Variants in MTUS2 observed in about 807,000 individuals in gnomAD.
The protein encoded by MTUS2 is microtubule-associated tumor suppressor candidate 2.
A neutral mutation model predicts 114.1 loss-of-function variants in MTUS2; 40 were observed. The ratio of observed to expected loss-of-function variants is 0.35; its 90% CI spans 0.27 to 0.46. The LOEUF (loss-of-function observed/expected upper bound fraction) is 0.46. Ranked by LOEUF, MTUS2 falls within the 20% of genes least tolerant of loss-of-function variation. MTUS2 has a pLI of 1.00. For missense variants in MTUS2, 1,679 were observed against 1,705.4 expected (o/e 0.98, Z 0.27); for synonymous variants, 688 against 672.0 (o/e 1.02, Z -0.37).
chr13:29,056,292 C>G (rs1888130081), intron 4 of MTUS2, among the ~76,000 whole-genome samples: 1 of 152,038 alleles, frequency 6.6e-6, no homozygotes, highest in Admixed American at 6.6e-5. Context: ...TTTCCATCTT[C>G]TGCATATGAT....
chr13:29,095,257 G>A (rs1003373980), intron 4 of MTUS2, among the ~76,000 whole-genome samples: 2 of 151,976 alleles, frequency 1.3e-5, no homozygotes, highest in African/African-American at 2.4e-5. Flanking sequence ...TTGAAGTCTC[G>A]AACTATTATT....
chr13:29,222,789 G>A (rs1462891359), intron 5 of MTUS2, among the ~76,000 whole-genome samples: 1 of 152,234 alleles, frequency 6.6e-6, no homozygotes, highest in Non-Finnish European at 1.5e-5. Flanking sequence ...AGAAGTGCCT[G>A]CTGTCACTGC....
intron 5 of MTUS2, among the ~76,000 whole-genome samples, chr13:29,243,822 G>A (rs1896814365): frequency 6.6e-6 from 1 of 152,188 alleles, no homozygotes; most frequent in African/African-American, 2.4e-5. Context: ...AAGGGCTGAG[G>A]CATCGATACA....
chr13:28,916,134 C>T (rs1343460730), intron 2 of MTUS2, among the ~76,000 whole-genome samples: 3 of 151,848 alleles, frequency 2.0e-5, no homozygotes, highest in Non-Finnish European at 2.9e-5. Flanking sequence ...TCTGGGTTCT[C>T]TATTCTATTC....
At chr13:29,372,644 C>G (rs986673974) in intron 8 of MTUS2, among the ~76,000 whole-genome samples, 7 of 152,196 alleles carry the variant, frequency 4.6e-5, no homozygotes, top group Admixed American at 3.9e-4. Context: ...ATGTTTCCCT[C>G]AAAAGTGAAG....
chr13:29,156,595 ACT>A (rs1892870361), intron 5 of MTUS2, among the ~76,000 whole-genome samples: 2 of 151,788 alleles, frequency 1.3e-5, no homozygotes, highest in African/African-American at 4.8e-5. Context: ...AAGTCACTAG[ACT>A]CTCTGAGCTT....
At chr13:29,140,705 A>G (rs1892182198) in intron 5 of MTUS2, among the ~76,000 whole-genome samples, 1 of 152,146 alleles carries the variant, frequency 6.6e-6, no homozygotes, top group African/African-American at 2.4e-5. Context: ...AACACCAATC[A>G]CTAGAAAATC....
intron 8 of MTUS2, among the ~76,000 whole-genome samples, chr13:29,374,667 G>A (rs1871442996): frequency 6.6e-6 from 1 of 152,200 alleles, no homozygotes; most frequent in Admixed American, 6.5e-5. Flanking sequence ...GGAGGCCAAG[G>A]TGGGTGGATC....
chr13:29,282,428 A>G (rs1385629222), intron 6 of MTUS2, among the ~76,000 whole-genome samples: 2 of 152,260 alleles, frequency 1.3e-5, no homozygotes, highest in Admixed American at 6.5e-5. Context: ...CATACCCACA[A>G]AGCTAGTGAC....
Position 29,503,867 on chromosome 13 carries a change from A to T in MTUS2, c.*661A>T, listed in dbSNP as rs1566244197. On this transcript the variant is annotated 3_prime_UTR_variant, in exon 16 of 16. Coordinates refer to ENST00000612955, the MANE Select transcript of MTUS2 (RefSeq NM_001033602.4). ...TGGAACAATCAGCTTCTCAGTCAACATGATGTGAGATCACTATTATTCCAT... is the reference window on the plus strand; with the variant it reads ...TGGAACAATCAGCTTCTCAGTCAACTTGATGTGAGATCACTATTATTCCAT... 1 of 234,460 alleles carries T rather than the reference A, an allele frequency of 4.3e-6. No homozygotes were observed. The highest frequency in any genetic ancestry group is 6.1e-5 in the East Asian group (1 of 16,294). 14.5% of individuals were successfully genotyped at this position (234,460 alleles called of 1,614,324 possible). A position where few individuals can be genotyped will look rare whatever the true frequency, so the allele number is the denominator to read the frequency against.
At chr13:29,038,680 G>C (rs920514363) in intron 4 of MTUS2, among the ~76,000 whole-genome samples, 1 of 152,230 alleles carries the variant, frequency 6.6e-6, no homozygotes, top group Non-Finnish European at 1.5e-5. Context: ...CCAGGGAGAT[G>C]GGAGTTTTAT....
chr13:29,307,966 C>T (rs934268417), intron 6 of MTUS2, among the ~76,000 whole-genome samples: 1 of 152,178 alleles, frequency 6.6e-6, no homozygotes, highest in African/African-American at 2.4e-5. Flanking sequence ...ATAAAGTCCC[C>T]TGTGCTCAGT....
rs145586913 is a variant in MTUS2, at chr13:29,057,890, A to G, written c.2446+23765A>G. On this transcript the variant is annotated intron_variant, in intron 4 of 15. Transcript: ENST00000612955. ...AGAATTGATTGTGTGGTTGTTTTAT[A>G]TTGTCAATGGTCTATGTTCTTTAGT... 2.2e-4 allele frequency among the ~76,000 whole-genome samples: 34 copies of G among 152,030 alleles called. No individual in the cohort carries two copies. The East Asian group carries it at 5.6e-3, about 25-fold the overall frequency.
At chr13:29,497,516 A>T (rs1882630934) in intron 13 of MTUS2, 180 bp downstream of exon 13, 2 of 609,754 alleles carry the variant, frequency 3.3e-6, no homozygotes, top group Non-Finnish European at 2.9e-6. Context: ...CTCCCCTGAG[A>T]CAGACAGCAG....
chr13:29,249,749 G>A (rs1012713731), intron 5 of MTUS2, among the ~76,000 whole-genome samples: 4 of 151,986 alleles, frequency 2.6e-5, no homozygotes, highest in Admixed American at 6.6e-5. Context: ...CTCCCATTCC[G>A]GTAGGTTGCC....
intron 5 of MTUS2, among the ~76,000 whole-genome samples, chr13:29,217,214 A>G (rs1895716285): frequency 6.6e-6 from 1 of 151,848 alleles, no homozygotes; most frequent in South Asian, 2.1e-4. Flanking sequence ...ATAGTATTTT[A>G]TGTATTTTTA....
At chr13:29,229,199 A>G (rs969554607) in intron 5 of MTUS2, among the ~76,000 whole-genome samples, 4 of 151,828 alleles carry the variant, frequency 2.6e-5, no homozygotes, top group Non-Finnish European at 5.9e-5. Flanking sequence ...TTCTGCAGTA[A>G]TTCTTGGTTG....
chr13:29,343,272 A>G lies in MTUS2; in HGVS notation c.2906-15990A>G, dbSNP rs1321338252. On this transcript the variant is annotated intron_variant, in intron 7 of 15. Transcript: ENST00000612955. ...AACGTCTCATAGAATTCAACTGGGA[A>G]CTCATCTGGTCCTAGACTTTTTCTT... 2.6e-5 allele frequency among the ~76,000 whole-genome samples: 4 copies of G among 152,070 alleles called. No homozygotes were observed. The East Asian group carries it at 5.8e-4, about 22-fold the overall frequency.
chr13:29,238,343 C>A (rs1210957987), intron 5 of MTUS2, among the ~76,000 whole-genome samples: 2 of 152,148 alleles, frequency 1.3e-5, no homozygotes, highest in Admixed American at 1.3e-4. Context: ...TTGACTCACA[C>A]CATCACAAGG....
Sources: gnomAD v4.1 joint callset for allele counts (sites outside exome capture counted in the v4.1 genomes callset) on GRCh38, gnomAD v4.1.1 for gene constraint, MANE v1.5 for transcripts, NCBI Gene and HGNC (gene_info 2026-07-23, HGNC 2026-07-21) for gene names.